The following HEMGN variants were observed in gnomAD, a reference collection of about 807,000 sequenced individuals.
HEMGN encodes hemogen.
A neutral mutation model predicts 45.7 loss-of-function variants in HEMGN; 32 were observed. That is an observed-to-expected ratio of 0.70 (90% CI 0.53 to 0.94). The LOEUF (loss-of-function observed/expected upper bound fraction) is 0.94. HEMGN is among the 40% of genes least tolerant of loss of function. The pLI, the probability that HEMGN is intolerant of heterozygous loss-of-function variation, is 0.00. For synonymous variants in HEMGN, 183 were observed against 178.6 expected (o/e 1.02, Z -0.20); for missense variants, 530 against 564.2 (o/e 0.94, Z 0.61).
chr9:97,938,323 T>C, upstream of HEMGN: 1 of 592,964 alleles, frequency 1.7e-6, no homozygotes, highest in Non-Finnish European at 3.0e-6. Flanking sequence ...CTACTATCTT[T>C]ATCACACTGC....
chr9:97,931,572 T>G (rs1286797748), intron 2 of HEMGN, among the ~76,000 whole-genome samples: 2 of 152,186 alleles, frequency 1.3e-5, no homozygotes, highest in African/African-American at 4.8e-5. Flanking sequence ...ATTAATAGAG[T>G]GGCATTCTGG....
Position 97,931,020 on chromosome 9 carries a change from T to C in HEMGN, c.375A>G (p.Gln125=). ...TKVFPSVASP[Q]KVVPEEHFSE... ...AAAAGTGTTCCTCAGGCACAACTTT[T>C]TGCGGGGAGGCTACTGAAGGAAATA... Residue 125 remains glutamine (Q), a synonymous_variant, in exon 3 of 4, where the codon CAA becomes CAG. Coordinates refer to ENST00000616898, the MANE Select transcript of HEMGN (RefSeq NM_197978.3). 1 of 1,614,160 alleles carries C rather than the reference T, an allele frequency of 6.2e-7. No homozygotes were observed. Among genetic ancestry groups the C allele is most frequent in the East Asian group, 2.2e-5 (1 of 44,888 alleles).
intron 3 of HEMGN, among the ~76,000 whole-genome samples, 193 bp from the exon 4 acceptor site, chr9:97,927,671 A>T (rs1306955091): frequency 6.6e-6 from 1 of 152,218 alleles, no homozygotes; most frequent in Non-Finnish European, 1.5e-5. Context: ...CAGAACACAG[A>T]GACCAGAAAC....
chr9:97,929,938 A>G, intron 3 of HEMGN, 97 bp downstream of exon 3: 4 of 860,506 alleles, frequency 4.6e-6, no homozygotes, highest in Non-Finnish European at 3.7e-6. Context: ...CACAGTATCC[A>G]TTGAAATAAC....
chr9:97,933,279 G>A (rs900281999), intron 2 of HEMGN, among the ~76,000 whole-genome samples: 1 of 152,108 alleles, frequency 6.6e-6, no homozygotes, highest in East Asian at 1.9e-4. Context: ...TATGAATACA[G>A]GAAACACTTA....
chr9:97,928,152 G>T (rs368754255), intron 3 of HEMGN, among the ~76,000 whole-genome samples: 8 of 150,700 alleles, frequency 5.3e-5, no homozygotes, highest in Non-Finnish European at 8.8e-5. Context: ...TCAGCCTCCC[G>T]AGTAGCTGGG....
At chr9:97,943,064 C>G (rs1733006265), upstream of HEMGN, among the ~76,000 whole-genome samples, 1 of 152,166 alleles carries the variant, frequency 6.6e-6, no homozygotes, top group South Asian at 2.1e-4. Context: ...TGGGGAAAAT[C>G]ACTTAATTCT....
chr9:97,928,949 G>A (rs1826888776), intron 3 of HEMGN, among the ~76,000 whole-genome samples: 1 of 151,882 alleles, frequency 6.6e-6, no homozygotes, highest in South Asian at 2.1e-4. Flanking sequence ...ACTGAAGATA[G>A]AAGATGGTAT....
chr9:97,936,146 C>G (rs1351333344), intron 2 of HEMGN, 25 bp downstream of exon 2: 1 of 1,442,076 alleles, frequency 6.9e-7, no homozygotes, highest in South Asian at 1.1e-5. Context: ...ATATTAGTTC[C>G]CTTTCCCTTG....
chr9:97,931,251 G>A lies in HEMGN; in HGVS notation c.174-30C>T, dbSNP rs188370112. The A allele has an allele frequency of 4.0e-5, 60 of 1,516,950 alleles. 1 individual carries two copies. The Middle Eastern group carries it at 2.3e-3, about 57-fold the overall frequency. 94.0% of individuals were successfully genotyped at this position (1,516,950 alleles called of 1,614,324 possible). ...AGAAAGAACAGAATTAGTGTCAGCA[G>A]TGGTACTACAGAATTCAAATAAATG... On this transcript the variant is annotated intron_variant, in intron 2 of 3. Transcript: ENST00000616898.
At position 97,938,164 on chromosome 9, in the gene HEMGN, G is replaced by A; in HGVS notation, c.-28C>T. On this transcript the variant is annotated 5_prime_UTR_variant, in exon 1 of 4. Transcript: ENST00000616898. ...TGCTGCAATACCTTCCTGCTATTTT[G>A]GTCTGACTTCCACAAGCAGCCTAGA... 1 of 1,520,204 alleles carries A rather than the reference G, an allele frequency of 6.6e-7. No individual in the cohort carries two copies. The highest frequency in any genetic ancestry group is 9.1e-7 in the Non-Finnish European group (1 of 1,100,862). 94.2% of individuals were successfully genotyped at this position (1,520,204 alleles called of 1,614,324 possible). A position where few individuals can be genotyped will look rare whatever the true frequency, so the allele number is the denominator to read the frequency against.
intron 2 of HEMGN, among the ~76,000 whole-genome samples, chr9:97,932,803 C>CTAAA (rs1826979947): frequency 1.1e-5 from 1 of 87,292 alleles, no homozygotes; most frequent in Non-Finnish European, 2.2e-5. Context: ...GACTCTGTCT[C>CTAAA]AAAAAAAAAA....
intron 1 of HEMGN, among the ~76,000 whole-genome samples, chr9:97,943,558 C>G (rs1827181569): frequency 6.6e-6 from 1 of 152,068 alleles, no homozygotes; most frequent in Non-Finnish European, 1.5e-5. Context: ...CTAGTTTGTC[C>G]CAAAGTCCCT....
Position 97,930,286 on chromosome 9 carries a change from G to A in HEMGN, c.1109C>T (p.Thr370Met), listed in dbSNP as rs1269004076. The A allele has an allele frequency of 9.3e-6, 15 of 1,613,862 alleles. No homozygotes were observed. Among genetic ancestry groups the A allele is most frequent in the Middle Eastern group, 1.6e-4 (1 of 6,062 alleles). The change falls in exon 3 of 4, where the codon ACG becomes ATG. Residue 370 changes from threonine to methionine, a missense_variant. Coordinates refer to ENST00000616898, the MANE Select transcript of HEMGN (RefSeq NM_197978.3). Reference protein sequence around the residue: ...TPGSEKYSPETYQEIPGLEEY... With the variant: ...TPGSEKYSPEMYQEIPGLEEY... ...TTCAAGCCCAGGTATTTCTTGATAC[G>A]TTTCAGGTGAATATTTTTCAGACCC...
intron 2 of HEMGN, among the ~76,000 whole-genome samples, chr9:97,935,114 T>C (rs1827034404): frequency 6.6e-6 from 1 of 152,224 alleles, no homozygotes; most frequent in South Asian, 2.1e-4. Flanking sequence ...CTATTCTGCT[T>C]TCTTCTGACT....
chr9:97,938,954 C>G (rs1827112599), upstream of HEMGN, among the ~76,000 whole-genome samples: 1 of 151,970 alleles, frequency 6.6e-6, no homozygotes, highest in South Asian at 2.1e-4. Context: ...ACATTATATC[C>G]CAGAAATTAA....
Position 97,931,892 on chromosome 9 carries a change from T to G in HEMGN, c.174-671A>C, listed in dbSNP as rs1417901697. Among the ~76,000 whole-genome samples the G allele has an allele frequency of 2.0e-5, 3 of 152,136 alleles. No individual in the cohort carries two copies. The East Asian group carries it at 5.8e-4, about 29-fold the overall frequency. On this transcript the variant is annotated intron_variant, in intron 2 of 3. Transcript: ENST00000616898. ...ATTCCTAATTAATAAATTAAAGATCTAGAAGATGAAAGGATATGCATGGTA... is the reference window on the plus strand; with the variant it reads ...ATTCCTAATTAATAAATTAAAGATCGAGAAGATGAAAGGATATGCATGGTA...
At position 97,930,972 on chromosome 9, in the gene HEMGN, G is replaced by C; in HGVS notation, c.423C>G (p.Asn141Lys). The C allele has an allele frequency of 6.2e-7, 1 of 1,614,078 alleles. No individual in the cohort carries two copies. The highest frequency in any genetic ancestry group is 8.5e-7 in the Non-Finnish European group (1 of 1,179,954). ...ACTCAGAAAAATTCTCCTGATATAT[G>C]TTACTTTCTTGACATATTTCAGAAA... Reference protein sequence around the residue: ...EHFSEICQESNIYQENFSEYQ... With the variant: ...EHFSEICQESKIYQENFSEYQ... The change falls in exon 3 of 4, where the codon AAC (asparagine) becomes AAG (lysine). Residue 141 changes from asparagine to lysine, a missense_variant. Physicochemically the swap from Asn to Lys is moderately conservative, Grantham distance 94. Coordinates refer to ENST00000616898, the MANE Select transcript of HEMGN (RefSeq NM_197978.3).
chr9:97,934,616 C>T (rs1827023518), intron 2 of HEMGN, among the ~76,000 whole-genome samples: 3 of 152,058 alleles, frequency 2.0e-5, no homozygotes, highest in Admixed American at 6.5e-5. Flanking sequence ...CCACAGGACC[C>T]TAATACAAAT....
Sources: gnomAD v4.1 joint callset for allele counts (sites outside exome capture counted in the v4.1 genomes callset) on GRCh38, gnomAD v4.1.1 for gene constraint, MANE v1.5 for transcripts, NCBI Gene and HGNC (gene_info 2026-07-23, HGNC 2026-07-21) for gene names.